The following PRKG1 variants were observed in gnomAD, a reference collection of about 807,000 sequenced individuals.
PRKG1 encodes protein kinase cGMP-dependent 1.
A neutral mutation model predicts 88.1 loss-of-function variants in PRKG1; 35 were observed. The ratio of observed to expected loss-of-function variants is 0.40; its 90% CI spans 0.30 to 0.53. The LOEUF (loss-of-function observed/expected upper bound fraction) is 0.53. PRKG1 is among the 20% of genes least tolerant of loss of function. The pLI is 0.59. For missense variants in PRKG1, 540 were observed against 839.8 expected, an observed-to-expected ratio of 0.64 and a Z score of 4.41; for synonymous variants, 303 against 292.5, an observed-to-expected ratio of 1.04 and a Z score of -0.37.
chr10:52,267,319 G>T (rs937651507), intron 10 of PRKG1, among the ~76,000 whole-genome samples: 1 of 151,932 alleles, frequency 6.6e-6, no homozygotes, highest in Non-Finnish European at 1.5e-5. Flanking sequence ...GACCTCAATA[G>T]GTTGTTATGC....
chr10:51,862,867 T>A (rs1043554604), intron 4 of PRKG1, among the ~76,000 whole-genome samples: 1 of 152,216 alleles, frequency 6.6e-6, no homozygotes, highest in East Asian at 1.9e-4. Flanking sequence ...ATATAAATCC[T>A]ATGTTACAGT....
chr10:51,181,396 C>T (rs1054526107), intron 2 of PRKG1, among the ~76,000 whole-genome samples: 26 of 150,178 alleles, frequency 1.7e-4, no homozygotes, highest in African/African-American at 5.1e-4. Flanking sequence ...CGCCCGCCAC[C>T]GCGCCCGGCT....
intron 5 of PRKG1, among the ~76,000 whole-genome samples, chr10:52,015,978 T>A (rs915629831): frequency 6.6e-6 from 1 of 152,234 alleles, no homozygotes; most frequent in Non-Finnish European, 1.5e-5. Context: ...ATCAGCATTT[T>A]GGTCAAAACC....
At chr10:52,155,597 T>G (rs972869986) in intron 8 of PRKG1, among the ~76,000 whole-genome samples, 4 of 151,914 alleles carry the variant, frequency 2.6e-5, no homozygotes, top group Non-Finnish European at 5.9e-5. Context: ...ATTTCAACTT[T>G]GAAATAACTG....
At chr10:51,958,408 G>C (rs1010274414) in intron 5 of PRKG1, among the ~76,000 whole-genome samples, 5 of 150,788 alleles carry the variant, frequency 3.3e-5, no homozygotes, top group Admixed American at 6.6e-5. Context: ...ATGTGTTTTG[G>C]AACTAGGGGC....
intron 2 of PRKG1, among the ~76,000 whole-genome samples, chr10:51,200,554 C>A (rs1837887733): frequency 6.6e-6 from 1 of 152,130 alleles, no homozygotes; most frequent in Non-Finnish European, 1.5e-5. Context: ...CAGATTGTAA[C>A]CATGTTGAAG....
rs146254123 is a variant in PRKG1, at chr10:52,066,518, C to CT, written c.935+3889dup. Among the ~76,000 whole-genome samples, 465 of 152,308 alleles carry CT rather than the reference C, an allele frequency of 3.1e-3. 4 individuals carry two copies. Among genetic ancestry groups the CT allele is most frequent in the African/African-American group, 0.01 (432 of 41,572 alleles). On this transcript the variant is annotated intron_variant, in intron 7 of 17. Coordinates refer to ENST00000373980, the MANE Select transcript of PRKG1 (RefSeq NM_006258.4). The stretch of plus-strand genomic sequence containing the variant: ...ATGATGTCCAATCTTAAAGTCCCTT[C>CT]TTCCATTGATCACATTCAGGACTTG...
chr10:51,456,232 A>G (rs658134), intron 2 of PRKG1, among the ~76,000 whole-genome samples: 3 of 151,506 alleles, frequency 2.0e-5, no homozygotes, highest in East Asian at 3.9e-4. Flanking sequence ...TATGGGGGAA[A>G]CCGCCCCCCA....
intron 2 of PRKG1, among the ~76,000 whole-genome samples, chr10:51,372,242 G>A (rs1001416922): frequency 2.0e-5 from 3 of 152,026 alleles, no homozygotes; most frequent in African/African-American, 7.2e-5. Context: ...TATCAGCCTT[G>A]TCCATATTTT....
At chr10:51,860,163 G>A (rs889313306) in intron 4 of PRKG1, among the ~76,000 whole-genome samples, 1 of 152,134 alleles carries the variant, frequency 6.6e-6, no homozygotes, top group African/African-American at 2.4e-5. Flanking sequence ...GGTTTGAATA[G>A]GTGTGCTCTT....
chr10:50,999,858 C>G (rs1453310942), intron 1 of PRKG1, among the ~76,000 whole-genome samples: 1 of 152,142 alleles, frequency 6.6e-6, no homozygotes, highest in African/African-American at 2.4e-5. Flanking sequence ...GTTGTAAACC[C>G]TTGGGTAGAA....
At chr10:51,041,157 C>G (rs538450730) in intron 1 of PRKG1, among the ~76,000 whole-genome samples, 3 of 151,994 alleles carry the variant, frequency 2.0e-5, no homozygotes, top group Non-Finnish European at 4.4e-5. Flanking sequence ...CATTCAAGGC[C>G]CAAGGGATCT....
At chr10:51,878,551 A>G (rs908934860) in intron 4 of PRKG1, among the ~76,000 whole-genome samples, 2 of 152,214 alleles carry the variant, frequency 1.3e-5, no homozygotes, top group African/African-American at 4.8e-5. Context: ...AAAGTTTTAT[A>G]AGAAAGGACC....
rs985873421 is a variant in PRKG1, at chr10:52,146,195, A to G, written c.1001+12290A>G. On this transcript the variant is annotated intron_variant, in intron 8 of 17. Transcript: ENST00000373980. Reference sequence around the variant, plus strand: ...TTCTCTCTTTTTTTACCTTTCTAATATAGTCTATGTCATATGATTATAAAT... The same window carrying G: ...TTCTCTCTTTTTTTACCTTTCTAATGTAGTCTATGTCATATGATTATAAAT... Among the ~76,000 whole-genome samples the G allele has an allele frequency of 1.2e-4, 18 of 152,254 alleles. No homozygotes were observed. The South Asian group carries it at 3.7e-3, about 32-fold the overall frequency.
chr10:51,164,078 C>T (rs937789177), intron 2 of PRKG1, among the ~76,000 whole-genome samples: 54 of 152,316 alleles, frequency 3.5e-4, no homozygotes, highest in African/African-American at 1.1e-3. Context: ...GATCTGAGAA[C>T]GGGCAGACTG....
At position 51,634,286 on chromosome 10, in the gene PRKG1, T is replaced by A. The variant is rs1038202645; in HGVS notation, c.592+166450T>A. ...GCCAAGGGAGGAAAAAGTATAAGCA[T>A]CTCTACAGTTACATTGTGGGCTTTG... On this transcript the variant is annotated intron_variant, in intron 3 of 17. Coordinates refer to ENST00000373980, the MANE Select transcript of PRKG1 (RefSeq NM_006258.4). Among the ~76,000 whole-genome samples the A allele has an allele frequency of 9.9e-5, 15 of 152,132 alleles. 1 individual carries two copies. Among genetic ancestry groups the A allele is most frequent in the African/African-American group, 3.4e-4 (14 of 41,444 alleles).
At chr10:51,638,966 C>G (rs952794828) in intron 3 of PRKG1, among the ~76,000 whole-genome samples, 9 of 152,044 alleles carry the variant, frequency 5.9e-5, no homozygotes, top group African/African-American at 2.2e-4. Context: ...ATAAGAACAG[C>G]CACTATCTTT....
chr10:51,185,992 G>C (rs1427198012), intron 2 of PRKG1, among the ~76,000 whole-genome samples: 1 of 151,624 alleles, frequency 6.6e-6, no homozygotes, highest in Admixed American at 6.6e-5. Context: ...AAAAAAAAAT[G>C]TTATAGAACA....
At chr10:51,085,096 T>C (rs1023212858) in intron 1 of PRKG1, among the ~76,000 whole-genome samples, 1 of 152,130 alleles carries the variant, frequency 6.6e-6, no homozygotes, top group Non-Finnish European at 1.5e-5. Flanking sequence ...AAAATCTAAG[T>C]TTTGCTCCTC....
Sources: gnomAD v4.1 joint callset for allele counts (sites outside exome capture counted in the v4.1 genomes callset) on GRCh38, gnomAD v4.1.1 for gene constraint, MANE v1.5 for transcripts, NCBI Gene and HGNC (gene_info 2026-07-23, HGNC 2026-07-21) for gene names.